Variants in SLC35G2 observed in about 807,000 individuals in gnomAD.
SLC35G2 encodes the protein transmembrane protein 22.
SLC35G2 carries 20 observed loss-of-function variants against 27.2 expected under a neutral mutation model. That is an observed-to-expected ratio of 0.74 (90% CI 0.52 to 1.07). The LOEUF (loss-of-function observed/expected upper bound fraction) is 1.07. SLC35G2 is among the 50% of genes least tolerant of loss of function. SLC35G2 has a pLI of 0.00. For missense variants in SLC35G2, 416 were observed against 493.3 expected (o/e 0.84, Z 1.48); for synonymous variants, 148 against 165.3 (o/e 0.90, Z 0.80).
intron 1 of SLC35G2, among the ~76,000 whole-genome samples, chr3:136,821,516 C>CGGAGA (rs1224793498): frequency 6.6e-6 from 1 of 152,030 alleles, no homozygotes; most frequent in East Asian, 1.9e-4. Context: ...ACGTGCTCTC[C>CGGAGA]GCTCACTGCA....
At position 136,822,110 on chromosome 3, in the gene SLC35G2, A is replaced by G. The variant is rs567996809; in HGVS notation, c.-19+2482A>G. Among the ~76,000 whole-genome samples the G allele has an allele frequency of 2.6e-5, 4 of 152,274 alleles. No homozygotes were observed. In the South Asian group the frequency reaches 8.3e-4, roughly 32 times the overall value. On this transcript the variant is annotated intron_variant, in intron 1 of 1. Transcript: ENST00000446465. Reference sequence around the variant, plus strand: ...GAGCATTTATCCTTTGTTTTTATAAACAATCCAGCTGTACTCTTCTAATGA... The same window carrying G: ...GAGCATTTATCCTTTGTTTTTATAAGCAATCCAGCTGTACTCTTCTAATGA...
At chr3:136,837,729 C>G (rs765005109) in intron 1 of SLC35G2, 7 of 152,040 alleles carry the variant, frequency 4.6e-5, no homozygotes, top group Non-Finnish European at 1.0e-4. Context: ...CATGCACATC[C>G]TTATATACTT....
chr3:136,822,126 C>A (rs1042708447), intron 1 of SLC35G2, among the ~76,000 whole-genome samples: 5 of 152,126 alleles, frequency 3.3e-5, no homozygotes, highest in Non-Finnish European at 4.4e-5. Context: ...CAGCTGTACT[C>A]TTCTAATGAT....
At chr3:136,824,051 G>C (rs1482009555) in intron 1 of SLC35G2, among the ~76,000 whole-genome samples, 2 of 152,074 alleles carry the variant, frequency 1.3e-5, no homozygotes, top group Non-Finnish European at 2.9e-5. Flanking sequence ...ATTTATTTCT[G>C]GGTTCTCTAT....
At chr3:136,830,895 A>C (rs558998356) in intron 1 of SLC35G2, among the ~76,000 whole-genome samples, 3 of 152,184 alleles carry the variant, frequency 2.0e-5, no homozygotes, top group Non-Finnish European at 4.4e-5. Context: ...CATAGTTATA[A>C]TTATATGTGA....
intron 1 of SLC35G2, among the ~76,000 whole-genome samples, chr3:136,851,743 G>GGGC (rs1937643675): frequency 6.6e-6 from 1 of 152,112 alleles, no homozygotes; most frequent in Non-Finnish European, 1.5e-5. Flanking sequence ...AATCACTGTA[G>GGGC]GTTCTTGAAT....
chr3:136,846,213 G>A (rs1560017557), intron 1 of SLC35G2, among the ~76,000 whole-genome samples: 1 of 152,158 alleles, frequency 6.6e-6, no homozygotes. Context: ...CGACGTGCCA[G>A]CCTCCATAAT....
chr3:136,841,195 C>G (rs566435866), intron 1 of SLC35G2, among the ~76,000 whole-genome samples: 8 of 152,018 alleles, frequency 5.3e-5, no homozygotes, highest in African/African-American at 1.9e-4. Context: ...GGAGTGCAGT[C>G]AGTGGCTATG....
intron 1 of SLC35G2, chr3:136,837,290 A>C (rs1407189719): frequency 6.6e-6 from 1 of 152,176 alleles, no homozygotes; most frequent in Admixed American, 6.5e-5. Flanking sequence ...GTTTATGTAC[A>C]GTTTTCCTTC....
In SLC35G2 at chr3:136,854,752, A is replaced by AT; in HGVS notation, c.297dup (p.Gln100SerfsTer24). 6.2e-7 allele frequency: 1 copy of AT among 1,614,094 alleles called. No individual in the cohort carries two copies. Among genetic ancestry groups the AT allele is most frequent in the Non-Finnish European group, 8.5e-7 (1 of 1,180,008 alleles). The stretch of plus-strand genomic sequence containing the variant: ...ATTCCAGAGCTTTGCAGAAAAAAAC[A>AT]TTTTTCAATCCCGAAAAATGTGGAT... On this transcript the variant is annotated frameshift_variant, in exon 2 of 2. Coordinates refer to ENST00000446465, the MANE Select transcript of SLC35G2 (RefSeq NM_025246.3). LOFTEE classifies it high-confidence loss of function.
At chr3:136,830,888 A>G (rs2108001244) in intron 1 of SLC35G2, among the ~76,000 whole-genome samples, 1 of 152,280 alleles carries the variant, frequency 6.6e-6, no homozygotes, top group South Asian at 2.1e-4. Context: ...ACTATTTCAT[A>G]GTTATAATTA....
In SLC35G2 at chr3:136,834,968, G is replaced by A. The variant is rs116316133; in HGVS notation, c.-19+15340G>A. Among the ~76,000 whole-genome samples, 471 of 152,016 alleles carry A rather than the reference G, an allele frequency of 3.1e-3. 4 individuals carry two copies. The highest frequency in any genetic ancestry group is 0.011 in the African/African-American group (455 of 41,434). ...TTCATTTTCTTTTTCTGAACCAATC[G>A]AAGGTAAGTTGCAGAGGTGATATCC... On this transcript the variant is annotated intron_variant, in intron 1 of 1. Coordinates refer to ENST00000446465, the MANE Select transcript of SLC35G2 (RefSeq NM_025246.3).
chr3:136,855,452 C>A lies in SLC35G2; in HGVS notation c.992C>A (p.Ala331Glu). Reference sequence around the variant, plus strand: ...GCTATATGTGTCTGTTCTACTGCAGCATTCTTAGGAGTTTATTATGCCTTG... The same window carrying A: ...GCTATATGTGTCTGTTCTACTGCAGAATTCTTAGGAGTTTATTATGCCTTG... Reference protein sequence around the residue: ...LIAICVCSTAAFLGVYYALDK... With the variant: ...LIAICVCSTAEFLGVYYALDK... Residue 331 changes from alanine (A) to glutamate (E), a missense_variant, in exon 2 of 2, where the codon GCA (alanine) becomes GAA (glutamate). By Grantham distance (107) the Ala-to-Glu change is moderately radical. Coordinates refer to ENST00000446465, the MANE Select transcript of SLC35G2 (RefSeq NM_025246.3). 1 of 1,614,174 alleles carries A rather than the reference C, an allele frequency of 6.2e-7. No individual in the cohort carries two copies. Among genetic ancestry groups the A allele is most frequent in the Non-Finnish European group, 8.5e-7 (1 of 1,180,022 alleles).
chr3:136,831,196 CTAGA>C (rs1451578094), intron 1 of SLC35G2, among the ~76,000 whole-genome samples: 2 of 152,158 alleles, frequency 1.3e-5, no homozygotes, highest in East Asian at 3.8e-4. Flanking sequence ...TGGACAACAG[CTAGA>C]TACTCACATT....
intron 1 of SLC35G2, among the ~76,000 whole-genome samples, chr3:136,844,067 C>T (rs1252414373): frequency 6.6e-6 from 1 of 152,148 alleles, no homozygotes; most frequent in Non-Finnish European, 1.5e-5. Flanking sequence ...TATAAGAAAA[C>T]AAATTTGCTG....
At position 136,855,302 on chromosome 3, in the gene SLC35G2, A is replaced by C; in HGVS notation, c.842A>C (p.Lys281Thr). The C allele has an allele frequency of 6.2e-7, 1 of 1,614,224 alleles. No individual in the cohort carries two copies. The highest frequency in any genetic ancestry group is 1.6e-4 in the Middle Eastern group (1 of 6,062). The change falls in exon 2 of 2, where the codon AAG becomes ACG. Residue 281 changes from lysine to threonine, a missense_variant. Lys to Thr is a moderately conservative substitution (Grantham distance 78). Coordinates refer to ENST00000446465, the MANE Select transcript of SLC35G2 (RefSeq NM_025246.3). ...ATAGTATACAGATCCATCAAGGAGA[A>C]GATCAGCATGTGGACTGCACTGTTT... ...SMIVYRSIKEKISMWTALFTF... is the reference protein window; with the variant it reads ...SMIVYRSIKETISMWTALFTF...
chr3:136,854,419 T>C (rs778860822), intron 1 of SLC35G2, 24 bp from the exon 2 acceptor site: 10 of 1,442,678 alleles, frequency 6.9e-6, no homozygotes, highest in South Asian at 5.2e-5. Flanking sequence ...GAATGTCTTT[T>C]TGTCAATTTT....
intron 1 of SLC35G2, among the ~76,000 whole-genome samples, chr3:136,849,665 G>C (rs1292627268): frequency 1.3e-5 from 2 of 151,576 alleles, no homozygotes; most frequent in Non-Finnish European, 2.9e-5. Context: ...CTAATTTTCT[G>C]TATTTTTAGT....
chr3:136,841,370 AT>A (rs1937089290), intron 1 of SLC35G2, among the ~76,000 whole-genome samples: 2 of 152,140 alleles, frequency 1.3e-5, no homozygotes, highest in African/African-American at 4.8e-5. Flanking sequence ...AGAATGAAGG[AT>A]TTCATATCCT....
Sources: allele counts gnomAD v4.1 joint callset (sites outside exome capture counted in the v4.1 genomes callset), GRCh38; gene constraint gnomAD v4.1.1; transcripts MANE v1.5; gene names NCBI Gene and HGNC (gene_info 2026-07-23, HGNC 2026-07-21).